UGP2: variants seen among roughly 807,000 people sequenced by gnomAD.
UGP2 encodes the protein UTP--glucose-1-phosphate uridylyltransferase.
A neutral mutation model predicts 49.0 loss-of-function variants in UGP2; 40 were observed. The observed-to-expected ratio is 0.82, with a 90% CI of 0.63 to 1.06. UGP2 has a LOEUF of 1.06. Among genes scored for constraint, UGP2 ranks in the 50% least tolerant of loss-of-function variants. The probability of loss-of-function intolerance (pLI) is 0.00; values close to 1 mark genes in which losing one functional copy is unlikely to be tolerated. For missense variants in UGP2, 460 were observed against 603.5 expected, an observed-to-expected ratio of 0.76 and a Z score of 2.49; for synonymous variants, 225 against 213.0, an observed-to-expected ratio of 1.06 and a Z score of -0.49.
At chr2:63,859,805 T>C (rs1669709926) in intron 3 of UGP2, among the ~76,000 whole-genome samples, 1 of 152,248 alleles carries the variant, frequency 6.6e-6, no homozygotes, top group African/African-American at 2.4e-5. Context: ...CTTCAGAAAA[T>C]GTATTTGCAA....
chr2:63,851,957 G>GA (rs1256000326), intron 1 of UGP2, among the ~76,000 whole-genome samples: 3 of 152,230 alleles, frequency 2.0e-5, no homozygotes, highest in African/African-American at 7.2e-5. Flanking sequence ...TATGTGAGTA[G>GA]AAAAAATACT....
Position 63,850,351 on chromosome 2 carries a change from AAGCTG to A in UGP2, c.20-5952_20-5948del, listed in dbSNP as rs1384793561. On this transcript the variant is annotated intron_variant, in intron 1 of 9. Transcript: ENST00000337130. Reference sequence around the variant, plus strand: ...TTTATTAACCATTCATATGAATGTAAAGCTGAGTCATCTAAAAATATATCTCAGTG... The same window carrying A: ...TTTATTAACCATTCATATGAATGTAAAGTCATCTAAAAATATATCTCAGTG... Among the ~76,000 whole-genome samples the A allele has an allele frequency of 2.0e-5, 3 of 152,222 alleles. No homozygotes were observed. The East Asian group carries it at 5.8e-4, about 29-fold the overall frequency.
At chr2:63,856,561 C>CA (rs1418139100) in intron 2 of UGP2, 128 bp downstream of exon 2, 64 of 1,068,262 alleles carry the variant, frequency 6.0e-5, no homozygotes, top group Non-Finnish European at 7.6e-5. Flanking sequence ...ACATCAAAAA[C>CA]AAAAAAATTA....
At chr2:63,846,394 G>C (rs754572913) in intron 1 of UGP2, among the ~76,000 whole-genome samples, 3 of 152,118 alleles carry the variant, frequency 2.0e-5, no homozygotes, top group Non-Finnish European at 4.4e-5. Context: ...TGTCTAGCCA[G>C]CTAAGGCTAT....
chr2:63,867,912 C>T (rs1366751653), intron 3 of UGP2, among the ~76,000 whole-genome samples: 6 of 152,132 alleles, frequency 3.9e-5, no homozygotes, highest in Non-Finnish European at 8.8e-5. Context: ...ATTCTTTAAA[C>T]TTCAGGATTG....
chr2:63,854,665 C>T (rs1361537928), intron 1 of UGP2, among the ~76,000 whole-genome samples: 1 of 152,208 alleles, frequency 6.6e-6, no homozygotes, highest in Non-Finnish European at 1.5e-5. Context: ...GTTACAAGCC[C>T]TTCCTGATTC....
intron 1 of UGP2, among the ~76,000 whole-genome samples, chr2:63,843,451 A>G (rs1671720056): frequency 6.6e-6 from 1 of 152,256 alleles, no homozygotes; most frequent in Non-Finnish European, 1.5e-5. Context: ...ATATTCAGTT[A>G]CCATAAAGGC....
chr2:63,873,533 C>T (rs1354446788), intron 3 of UGP2, among the ~76,000 whole-genome samples: 3 of 151,918 alleles, frequency 2.0e-5, no homozygotes, highest in African/African-American at 7.3e-5. Context: ...TTTTTATCTT[C>T]GCAAGTACCC....
At chr2:63,872,957 G>A (rs1670658941) in intron 3 of UGP2, among the ~76,000 whole-genome samples, 1 of 152,128 alleles carries the variant, frequency 6.6e-6, no homozygotes, top group Non-Finnish European at 1.5e-5. Context: ...GGAGGAGAGT[G>A]AGCTCCACGT....
At chr2:63,868,911 G>A (rs1353539921) in intron 3 of UGP2, among the ~76,000 whole-genome samples, 1 of 151,534 alleles carries the variant, frequency 6.6e-6, no homozygotes, top group Non-Finnish European at 1.5e-5. Flanking sequence ...GAGGCAATGA[G>A]CTGAGATCAC....
intron 1 of UGP2, among the ~76,000 whole-genome samples, chr2:63,843,640 T>A (rs1575793727): frequency 6.6e-6 from 1 of 152,224 alleles, no homozygotes; most frequent in East Asian, 1.9e-4. Flanking sequence ...CTCAGAAGAT[T>A]CAAAATCAAG....
At chr2:63,842,596 CCGGG>C in intron 1 of UGP2, 1 of 1,472,636 alleles carries the variant, frequency 6.8e-7, no homozygotes, top group Non-Finnish European at 9.0e-7. Context: ...CTGAGAAAAG[CCGGG>C]TGGGTTTTGC....
Position 63,887,593 on chromosome 2 carries a change from G to C in UGP2, c.1263G>C (p.Lys421Asn), listed in dbSNP as rs543771246. Residue 421 changes from lysine (K) to asparagine (N), a missense_variant, in exon 8 of 10, where the codon AAG (lysine) becomes AAC (asparagine). Transcript: ENST00000337130. Reference sequence around the variant, plus strand: ...CAGGATCTCTGACAATGAGTGAAAAGCGGGAATTTCCTACAGTGCCCTTGG... The same window carrying C: ...CAGGATCTCTGACAATGAGTGAAAACCGGGAATTTCCTACAGTGCCCTTGG... ...LNAGSLTMSEKREFPTVPLVK... is the reference protein window; with the variant it reads ...LNAGSLTMSENREFPTVPLVK... 5 of 1,614,152 alleles carry C rather than the reference G, an allele frequency of 3.1e-6. No individual in the cohort carries two copies. The highest frequency in any genetic ancestry group is 2.2e-5 in the East Asian group (1 of 44,882).
upstream of UGP2, among the ~76,000 whole-genome samples, chr2:63,841,398 G>T (rs1671522889): frequency 6.6e-6 from 1 of 152,024 alleles, no homozygotes; most frequent in South Asian, 2.1e-4. Flanking sequence ...GGGAAGGGTC[G>T]GTGCCCTCCC....
intron 3 of UGP2, among the ~76,000 whole-genome samples, chr2:63,871,321 T>TA (rs1670533797): frequency 1.3e-5 from 2 of 152,226 alleles, no homozygotes; most frequent in Admixed American, 6.5e-5. Context: ...TCCTTGCTCT[T>TA]ACTGCCCAGG....
intron 1 of UGP2, chr2:63,855,810 G>T: frequency 3.8e-6 from 1 of 262,792 alleles, no homozygotes; most frequent in South Asian, 3.3e-5. Flanking sequence ...CACAGTGTTG[G>T]GATTGCAGGC....
intron 3 of UGP2, among the ~76,000 whole-genome samples, chr2:63,868,835 G>A (rs191401633): frequency 5.8e-4 from 88 of 151,988 alleles, no homozygotes; most frequent in African/African-American, 1.0e-3. Flanking sequence ...TTAGCCGGGC[G>A]TGGTGGCATG....
intron 1 of UGP2, chr2:63,842,441 A>G (rs757272858): frequency 9.7e-6 from 15 of 1,554,122 alleles, no homozygotes; most frequent in Non-Finnish European, 1.3e-5. Context: ...AAATCAGGTT[A>G]GTAGTACCGT....
Position 63,882,513 on chromosome 2 carries a change from A to G in UGP2, c.303A>G (p.Ile101Met). The change falls in exon 4 of 10, where the codon ATA (isoleucine) becomes ATG (methionine). Residue 101 changes from isoleucine (I) to methionine (M), a missense_variant. This residue lies in a region of UGP2 where 143 missense variants were observed against 130.4 expected (regional missense o/e 1.10). Transcript: ENST00000337130. ...AGGCCAGGGGCTTGCCTGATAATATATCTTCCGTGTTGAACAAACTAGTGG... is the reference window on the plus strand; with the variant it reads ...AGGCCAGGGGCTTGCCTGATAATATGTCTTCCGTGTTGAACAAACTAGTGG... ...KIKARGLPDN[I>M]SSVLNKLVVV... 3.1e-6 allele frequency: 5 copies of G among 1,610,554 alleles called. No homozygotes were observed. The highest frequency in any genetic ancestry group is 4.2e-6 in the Non-Finnish European group (5 of 1,177,458).
Sources: allele counts gnomAD v4.1 joint callset (sites outside exome capture counted in the v4.1 genomes callset), GRCh38; gene constraint gnomAD v4.1.1; regional missense constraint gnomAD v4.1.1; transcripts MANE v1.5; gene names NCBI Gene and HGNC (gene_info 2026-07-23, HGNC 2026-07-21).